Variants in XYLT1 observed in about 807,000 individuals in gnomAD.
The protein encoded by XYLT1 is beta-D-xylosyltransferase 1.
Under a neutral mutation model 91.3 loss-of-function variants are expected in XYLT1, and 36 were observed. The observed-to-expected ratio is 0.39, with a 90% CI of 0.30 to 0.52. The LOEUF is 0.52. Ranked by LOEUF, XYLT1 falls within the 20% of genes least tolerant of loss-of-function variation. The pLI is 0.68. For missense variants in XYLT1, 1,242 were observed against 1,284.5 expected, an observed-to-expected ratio of 0.97 and a Z score of 0.51; for synonymous variants, 588 against 532.0, an observed-to-expected ratio of 1.11 and a Z score of -1.45.
chr16:17,166,528 T>C (rs2031687102), intron 5 of XYLT1, among the ~76,000 whole-genome samples: 1 of 152,116 alleles, frequency 6.6e-6, no homozygotes, highest in African/African-American at 2.4e-5. Flanking sequence ...TTTTTTTTTT[T>C]TGAGGTAGAG....
intron 1 of XYLT1, among the ~76,000 whole-genome samples, chr16:17,412,967 T>C (rs1473820403): frequency 1.3e-5 from 2 of 152,194 alleles, no homozygotes; most frequent in African/African-American, 4.8e-5. Flanking sequence ...CTGCGACCAA[T>C]ATAGGCCAAG....
At chr16:17,145,950 A>G (rs550529716) in intron 6 of XYLT1, among the ~76,000 whole-genome samples, 17 of 152,242 alleles carry the variant, frequency 1.1e-4, no homozygotes, top group African/African-American at 3.6e-4. Context: ...ACTACAACAC[A>G]CTTTGGCTCT....
At chr16:17,174,672 T>A (rs1376414916) in intron 5 of XYLT1, among the ~76,000 whole-genome samples, 1 of 152,190 alleles carries the variant, frequency 6.6e-6, no homozygotes, top group African/African-American at 2.4e-5. Flanking sequence ...CCTTCTGGGG[T>A]AACTAAAATG....
intron 1 of XYLT1, among the ~76,000 whole-genome samples, chr16:17,461,228 TCAGGGCTCC>T (rs1195091515): frequency 6.6e-6 from 1 of 152,186 alleles, no homozygotes; most frequent in Non-Finnish European, 1.5e-5. Context: ...GGCAGAGACC[TCAGGGCTCC>T]CAGGGCTCTG....
rs770765433 is a variant in XYLT1, at chr16:17,127,809, G to A, written c.2080C>T (p.Arg694Cys). The change falls in exon 10 of 12, where the codon CGC (arginine) becomes TGC (cysteine). Residue 694 changes from arginine (R) to cysteine (C), a missense_variant. Arg to Cys is a radical substitution (Grantham distance 180, BLOSUM62 -3). This residue lies in a region of XYLT1 where 511 missense variants were observed against 497.0 expected (regional missense o/e 1.03). Transcript: ENST00000261381. Reference protein sequence around the residue: ...ASVHLYFLADRFQGFLIKHHA... With the variant: ...ASVHLYFLADCFQGFLIKHHA... ...TGCTTGATCAGAAAGCCCTGGAAGC[G>A]GTCAGCAAGGAAGTAGAGGTGCACA... 1.1e-5 allele frequency: 18 copies of A among 1,613,946 alleles called. No individual in the cohort carries two copies. The highest frequency in any genetic ancestry group is 4.0e-5 in the African/African-American group (3 of 74,864).
chr16:17,340,398 A>G (rs2035049264), intron 2 of XYLT1, among the ~76,000 whole-genome samples: 1 of 152,262 alleles, frequency 6.6e-6, no homozygotes, highest in African/African-American at 2.4e-5. Context: ...CTGCCACCAC[A>G]TGGGCTGGGG....
intron 3 of XYLT1, among the ~76,000 whole-genome samples, chr16:17,222,260 T>C (rs2141610356): frequency 6.6e-6 from 1 of 152,284 alleles, no homozygotes; most frequent in Admixed American, 6.5e-5. Context: ...CCAGGGACAA[T>C]TTTGTCTCCC....
intron 2 of XYLT1, among the ~76,000 whole-genome samples, chr16:17,292,056 G>A (rs1051014639): frequency 2.7e-5 from 4 of 150,834 alleles, no homozygotes. Context: ...CCAGCTAGCC[G>A]GGCATGGTGG....
intron 9 of XYLT1, among the ~76,000 whole-genome samples, chr16:17,131,820 T>C (rs2030489556): frequency 6.6e-6 from 1 of 152,248 alleles, no homozygotes; most frequent in African/African-American, 2.4e-5. Flanking sequence ...TTTCCCCACA[T>C]GCCCCGGGGC....
intron 11 of XYLT1, among the ~76,000 whole-genome samples, chr16:17,116,316 C>T (rs1402709490): frequency 6.6e-6 from 1 of 152,190 alleles, no homozygotes; most frequent in Admixed American, 6.5e-5. Flanking sequence ...AAACCCTGAC[C>T]TGAATTTCAT....
At chr16:17,406,572 T>C (rs1444218755) in intron 1 of XYLT1, among the ~76,000 whole-genome samples, 1 of 152,090 alleles carries the variant, frequency 6.6e-6, no homozygotes, top group Non-Finnish European at 1.5e-5. Flanking sequence ...AAAAGCAGGT[T>C]TGGGAAGGCT....
intron 1 of XYLT1, among the ~76,000 whole-genome samples, chr16:17,378,717 C>T (rs2035633641): frequency 6.6e-6 from 1 of 152,236 alleles, no homozygotes; most frequent in Admixed American, 6.5e-5. Flanking sequence ...GACCAGTTCA[C>T]AGCCAGGAAA....
intron 1 of XYLT1, among the ~76,000 whole-genome samples, chr16:17,401,443 C>A (rs1256557096): frequency 1.3e-5 from 2 of 152,130 alleles, no homozygotes; most frequent in African/African-American, 4.8e-5. Flanking sequence ...AAGAACTGGC[C>A]AGGGCAACTT....
intron 1 of XYLT1, among the ~76,000 whole-genome samples, chr16:17,377,279 G>C (rs1382073159): frequency 6.6e-6 from 1 of 150,568 alleles, no homozygotes; most frequent in African/African-American, 2.5e-5. Flanking sequence ...CCCCAGCCAG[G>C]AAGAAGGACC....
intron 1 of XYLT1, among the ~76,000 whole-genome samples, chr16:17,377,948 G>A (rs2035623993): frequency 6.6e-6 from 1 of 152,166 alleles, no homozygotes; most frequent in African/African-American, 2.4e-5. Context: ...TTGTACAAAG[G>A]GAAGAACTGA....
chr16:17,193,340 T>C (rs1441188328), intron 5 of XYLT1: 1 of 152,194 alleles, frequency 6.6e-6, no homozygotes, highest in African/African-American at 2.4e-5. Context: ...GCACTAATAT[T>C]GTGTTTATTT....
intron 2 of XYLT1, among the ~76,000 whole-genome samples, chr16:17,283,580 A>G (rs2141787828): frequency 6.6e-6 from 1 of 152,312 alleles, no homozygotes; most frequent in African/African-American, 2.4e-5. Flanking sequence ...CTCAGTAATA[A>G]CAACTAAGTA....
intron 2 of XYLT1, among the ~76,000 whole-genome samples, chr16:17,305,852 T>C (rs2034463350): frequency 1.3e-5 from 2 of 152,168 alleles, no homozygotes; most frequent in South Asian, 4.1e-4. Flanking sequence ...CAGTCCTGTG[T>C]TCAGATTCCC....
intron 5 of XYLT1, among the ~76,000 whole-genome samples, chr16:17,189,536 G>C (rs564791044): frequency 5.8e-4 from 89 of 152,332 alleles, no homozygotes; most frequent in Non-Finnish European, 1.2e-4. Flanking sequence ...ATGGCCAGGA[G>C]ACAGGGGCTT....
Sources: allele counts gnomAD v4.1 joint callset (sites outside exome capture counted in the v4.1 genomes callset), GRCh38; gene constraint gnomAD v4.1.1; regional missense constraint gnomAD v4.1.1; transcripts MANE v1.5; gene names NCBI Gene and HGNC (gene_info 2026-07-23, HGNC 2026-07-21).